The following PRH1 variants were observed in gnomAD, a reference collection of about 807,000 sequenced individuals.
PRH1 encodes the protein salivary acidic proline-rich phosphoprotein 1/2.
Under a neutral mutation model 7.9 loss-of-function variants are expected in PRH1, and 7 were observed. The observed-to-expected ratio is 0.89, with a 90% CI of 0.50 to 1.67. The LOEUF is 1.67. Among genes scored for constraint, PRH1 ranks in the 40% most tolerant of loss-of-function variants. PRH1 has a pLI of 0.00. For synonymous variants in PRH1, 45 were observed against 80.8 expected, an observed-to-expected ratio of 0.56 and a Z score of 2.38; for missense variants, 109 against 223.6, an observed-to-expected ratio of 0.49 and a Z score of 3.27.
chr12:11,085,509 A>C lies in PRH1; in HGVS notation n.124-38321T>G, dbSNP rs2136242489. The stretch of plus-strand genomic sequence containing the variant: ...AGATTCCCTTTAAGGTCCTGACCTT[A>C]ATTTCTATGTGTACCTGATTTCTGA... On this transcript the variant is annotated intron_variant and non_coding_transcript_variant, in intron 1 of 4. Coordinates refer to the PRH1 transcript ENST00000541977. 2.5e-5 allele frequency among the ~76,000 whole-genome samples: 3 copies of C among 119,130 alleles called. 1 individual carries two copies. The South Asian group carries it at 6.8e-4, about 27-fold the overall frequency. The allele number at this position is 119,130 out of a possible 152,430, so 78.2% of individuals were successfully genotyped here. A position where few individuals can be genotyped will look rare whatever the true frequency, so the allele number is the denominator to read the frequency against.
intron 2 of PRH1, among the ~76,000 whole-genome samples, chr12:10,962,932 G>T (rs1017062392): frequency 3.3e-5 from 5 of 152,274 alleles, no homozygotes; most frequent in African/African-American, 1.2e-4. Flanking sequence ...ACCACGCCCT[G>T]CTAATTTTTT....
At chr12:10,929,029 A>G (rs1354399344) in intron 2 of PRH1, among the ~76,000 whole-genome samples, 1 of 152,226 alleles carries the variant, frequency 6.6e-6, no homozygotes, top group Non-Finnish European at 1.5e-5. Flanking sequence ...TCCAAGTCAT[A>G]GTTGTACCTT....
At chr12:10,981,461 C>A (rs1370627035) in intron 1 of PRH1, among the ~76,000 whole-genome samples, 1 of 148,266 alleles carries the variant, frequency 6.7e-6, no homozygotes, top group Non-Finnish European at 1.5e-5. Flanking sequence ...GCAACCTCTG[C>A]CTCCCGGGTT....
rs536389749 is a variant in PRH1, at chr12:10,955,917, A to T, written c.-59+17738T>A. Among the ~76,000 whole-genome samples the T allele has an allele frequency of 7.9e-5, 12 of 152,252 alleles. No homozygotes were observed. The South Asian group carries it at 2.5e-3, about 32-fold the overall frequency. On this transcript the variant is annotated intron_variant, in intron 2 of 3. Coordinates refer to the PRH1 transcript ENST00000539853. ...CCTGAGCAAACCAATAACAAGTTCC[A>T]AATTGAAAGAGTAATAAAAAGCCTA...
upstream of PRH1, among the ~76,000 whole-genome samples, chr12:10,886,066 T>C (rs191564838): frequency 1.3e-5 from 2 of 152,354 alleles, no homozygotes; most frequent in Admixed American, 1.3e-4. Context: ...AATTCTTCTC[T>C]GGCCCTGTGG....
intron 2 of PRH1, among the ~76,000 whole-genome samples, chr12:10,958,976 A>C (rs575142636): frequency 1.3e-5 from 2 of 152,284 alleles, no homozygotes; most frequent in East Asian, 3.9e-4. Flanking sequence ...ATCAGGATAA[A>C]AGGATGTGCA....
upstream of PRH1, among the ~76,000 whole-genome samples, chr12:10,885,703 C>G (rs1276377864): frequency 6.6e-6 from 1 of 152,198 alleles, no homozygotes; most frequent in East Asian, 1.9e-4. Flanking sequence ...TCAGAATCAC[C>G]AGCTGCACTT....
intron 2 of PRH1, among the ~76,000 whole-genome samples, chr12:10,941,035 T>C (rs1040026034): frequency 2.0e-5 from 3 of 152,180 alleles, no homozygotes; most frequent in Admixed American, 6.5e-5. Context: ...AAACGTACTA[T>C]CCACATAGAG....
intron 1 of PRH1, chr12:11,062,042 A>C: frequency 1.2e-6 from 2 of 1,613,800 alleles, no homozygotes; most frequent in South Asian, 1.1e-5. Flanking sequence ...CAGACATTGT[A>C]AGCAGTAATT....
rs1017334020 is a variant in PRH1, at chr12:11,108,511, C to T, written n.124-61323G>A. Reference sequence around the variant, plus strand: ...CTGGTTAGACAGCGGGTGAAGCCCACGGAGGATGAGCCGAAGGAGGGTGTG... The same window carrying T: ...CTGGTTAGACAGCGGGTGAAGCCCATGGAGGATGAGCCGAAGGAGGGTGTG... On this transcript the variant is annotated intron_variant and non_coding_transcript_variant, in intron 1 of 4. Transcript: ENST00000541977. Among the ~76,000 whole-genome samples the T allele has an allele frequency of 7.9e-5, 12 of 152,180 alleles. 1 individual carries two copies. In the South Asian group the frequency reaches 2.1e-3, roughly 26 times the overall value.
At chr12:10,946,708 A>G (rs1023631217) in intron 2 of PRH1, among the ~76,000 whole-genome samples, 3 of 151,784 alleles carry the variant, frequency 2.0e-5, no homozygotes, top group Non-Finnish European at 4.4e-5. Flanking sequence ...TTTTTTCTCT[A>G]ATTCTTTCAA....
At chr12:11,161,686 C>A (rs34241192) in intron 1 of PRH1, among the ~76,000 whole-genome samples, 69,178 of 151,874 alleles carry the variant, frequency 0.46, 16,542 homozygotes, top group Non-Finnish European at 0.53. Flanking sequence ...AAAATCTCAC[C>A]GGTTTGGGGT....
chr12:11,023,808 A>C (rs1370330286), intron 1 of PRH1, among the ~76,000 whole-genome samples: 2 of 152,262 alleles, frequency 1.3e-5, no homozygotes, highest in Non-Finnish European at 2.9e-5. Context: ...TCCAATCACC[A>C]GAGCCATCCA....
chr12:10,884,014 G>A, intron 1 of PRH1, 140 bp downstream of exon 1: 1 of 969,566 alleles, frequency 1.0e-6, no homozygotes, highest in South Asian at 1.6e-5. Flanking sequence ...AGGTACAATA[G>A]ATCTTCTGAT....
intron 2 of PRH1, among the ~76,000 whole-genome samples, chr12:10,967,205 C>T (rs1362343732): frequency 1.3e-5 from 2 of 151,104 alleles, no homozygotes; most frequent in Non-Finnish European, 2.9e-5. Flanking sequence ...CATGTTGTAA[C>T]TAAAATAAAG....
chr12:11,113,547 A>T (rs1468978107), intron 1 of PRH1, among the ~76,000 whole-genome samples: 3 of 152,204 alleles, frequency 2.0e-5, no homozygotes, highest in Non-Finnish European at 4.4e-5. Flanking sequence ...TTCCTTACAC[A>T]TTATACAAAA....
At chr12:10,957,451 A>AT (rs1480317887) in intron 2 of PRH1, among the ~76,000 whole-genome samples, 3 of 152,108 alleles carry the variant, frequency 2.0e-5, no homozygotes, top group South Asian at 2.1e-4. Flanking sequence ...ACCTAAAACT[A>AT]TTTTTTTAAA....
At chr12:11,011,881 T>TA (rs1214359363) in intron 1 of PRH1, among the ~76,000 whole-genome samples, 2 of 152,106 alleles carry the variant, frequency 1.3e-5, no homozygotes, top group African/African-American at 4.8e-5. Flanking sequence ...TGGGAGGAAT[T>TA]ATTGTCCTGT....
chr12:11,139,168 C>A (rs1053162997), intron 1 of PRH1, among the ~76,000 whole-genome samples: 1 of 152,136 alleles, frequency 6.6e-6, no homozygotes, highest in African/African-American at 2.4e-5. Flanking sequence ...TGAATTTATA[C>A]GTAGAAATGT....
Sources: gnomAD v4.1 joint callset for allele counts (sites outside exome capture counted in the v4.1 genomes callset) on GRCh38, gnomAD v4.1.1 for gene constraint, MANE v1.5 for transcripts, NCBI Gene and HGNC (gene_info 2026-07-23, HGNC 2026-07-21) for gene names.